The following SLC12A8 variants were observed in gnomAD, a reference collection of about 807,000 sequenced individuals.
SLC12A8 encodes the protein cation-chloride cotransporter 9.
In SLC12A8, 69 loss-of-function variants were observed where a neutral mutation model predicts 75.6. The ratio of observed to expected loss-of-function variants is 0.91; its 90% confidence interval spans 0.75 to 1.11. The LOEUF (loss-of-function observed/expected upper bound fraction) is 1.11, where lower values mean the gene tolerates loss of function less well. Among genes scored for constraint, SLC12A8 ranks in the 50% most tolerant of loss-of-function variants. The pLI is 0.00. For synonymous variants in SLC12A8, 365 were observed against 372.8 expected, an observed-to-expected ratio of 0.98 and a Z score of 0.24; for missense variants, 877 against 896.7, an observed-to-expected ratio of 0.98 and a Z score of 0.28.
intron 2 of SLC12A8, among the ~76,000 whole-genome samples, chr3:125,191,392 T>G (rs992567690): frequency 6.6e-6 from 1 of 152,076 alleles, no homozygotes; most frequent in South Asian, 2.1e-4. Flanking sequence ...GTGAATGCTC[T>G]TATGTAGGTT....
intron 10 of SLC12A8, among the ~76,000 whole-genome samples, chr3:125,099,915 C>T (rs936240637): frequency 2.6e-5 from 4 of 151,594 alleles, no homozygotes; most frequent in Non-Finnish European, 5.9e-5. Flanking sequence ...GCAACAAGAG[C>T]GAAACTCTGT....
At chr3:125,210,036 A>G (rs1047994923) in intron 2 of SLC12A8, among the ~76,000 whole-genome samples, 2 of 152,194 alleles carry the variant, frequency 1.3e-5, no homozygotes, top group Admixed American at 6.5e-5. Flanking sequence ...GCCATGTCCA[A>G]TCCTTCGATG....
At chr3:125,126,250 C>T (rs1019588343) in intron 6 of SLC12A8, among the ~76,000 whole-genome samples, 3 of 152,192 alleles carry the variant, frequency 2.0e-5, no homozygotes, top group Non-Finnish European at 2.9e-5. Context: ...GTTTATGAGG[C>T]TACACCTCGA....
intron 5 of SLC12A8, among the ~76,000 whole-genome samples, chr3:125,166,909 G>A (rs374483380): frequency 1.3e-5 from 2 of 152,246 alleles, no homozygotes; most frequent in Admixed American, 6.5e-5. Flanking sequence ...GCTACATATG[G>A]TAGAAAAATA....
chr3:125,186,500 T>A (rs1206828071), intron 4 of SLC12A8, among the ~76,000 whole-genome samples: 1 of 152,244 alleles, frequency 6.6e-6, no homozygotes, highest in Admixed American at 6.5e-5. Flanking sequence ...CTCTTTAAAC[T>A]GTTTTTTCAA....
At chr3:125,170,054 CATT>C (rs1206908653) in intron 5 of SLC12A8, among the ~76,000 whole-genome samples, 1 of 152,126 alleles carries the variant, frequency 6.6e-6, no homozygotes, top group Admixed American at 6.6e-5. Context: ...AAAAAATCCT[CATT>C]AATGATTCAA....
At chr3:125,110,492 A>C in intron 8 of SLC12A8, 157 bp from the exon 9 acceptor site, 2 of 606,492 alleles carry the variant, frequency 3.3e-6, no homozygotes, top group Non-Finnish European at 2.8e-6. Context: ...CCTCGCCCCC[A>C]TTCATTCCAT....
chr3:125,090,156 GC>G (rs1343832039), intron 12 of SLC12A8, among the ~76,000 whole-genome samples: 1 of 152,052 alleles, frequency 6.6e-6, no homozygotes, highest in East Asian at 1.9e-4. Flanking sequence ...CAATTCTCCT[GC>G]CTTAGCCCTC....
intron 5 of SLC12A8, among the ~76,000 whole-genome samples, chr3:125,142,358 A>T (rs1021438169): frequency 1.5e-4 from 23 of 152,246 alleles, no homozygotes; most frequent in African/African-American, 5.5e-4. Context: ...TGGGCTGGGG[A>T]TGGGGTTTTT....
intron 5 of SLC12A8, among the ~76,000 whole-genome samples, chr3:125,144,986 C>A (rs370571924): frequency 1.6e-4 from 25 of 152,328 alleles, no homozygotes; most frequent in African/African-American, 5.1e-4. Flanking sequence ...AGCTCTCCCC[C>A]ACCCCAAGTC....
At chr3:125,110,362 A>G (rs777612095) in intron 8 of SLC12A8, 27 bp from the exon 9 acceptor site, 2 of 1,605,790 alleles carry the variant, frequency 1.2e-6, no homozygotes, top group Admixed American at 3.3e-5. Context: ...TTCATTCGCC[A>G]GTGCCAGAAC....
chr3:125,176,427 T>C (rs1398903395), intron 5 of SLC12A8, among the ~76,000 whole-genome samples: 1 of 152,156 alleles, frequency 6.6e-6, no homozygotes, highest in Non-Finnish European at 1.5e-5. Flanking sequence ...AAGGACTTCA[T>C]GTCTAAAACA....
At chr3:125,100,284 C>T (rs1938835044) in intron 10 of SLC12A8, among the ~76,000 whole-genome samples, 1 of 152,106 alleles carries the variant, frequency 6.6e-6, no homozygotes, top group African/African-American at 2.4e-5. Flanking sequence ...CTTTAATCAA[C>T]AGGAAAGAAA....
intron 10 of SLC12A8, among the ~76,000 whole-genome samples, chr3:125,094,286 C>T (rs186886214): frequency 1.3e-5 from 2 of 152,306 alleles, no homozygotes; most frequent in Admixed American, 6.5e-5. Context: ...ACCTACCTCC[C>T]GCTTTCCCTA....
intron 3 of SLC12A8, among the ~76,000 whole-genome samples, chr3:125,187,995 A>C (rs1185945727): frequency 6.6e-6 from 1 of 152,092 alleles, no homozygotes; most frequent in Non-Finnish European, 1.5e-5. Flanking sequence ...TGTGAGCTCC[A>C]GGGGAGGATG....
At chr3:125,100,212 G>C (rs1938833996) in intron 10 of SLC12A8, among the ~76,000 whole-genome samples, 1 of 152,018 alleles carries the variant, frequency 6.6e-6, no homozygotes, top group Non-Finnish European at 1.5e-5. Flanking sequence ...AGGAGAAAAA[G>C]AAAGGGCAGA....
chr3:125,092,387 AAAGAG>A (rs1251895848), intron 10 of SLC12A8, among the ~76,000 whole-genome samples, 189 bp from the exon 11 acceptor site: 2 of 152,168 alleles, frequency 1.3e-5, no homozygotes, highest in East Asian at 1.9e-4. Context: ...TCTGAGAAAG[AAAGAG>A]AAGAGAGAGA....
At chr3:125,178,346 C>T (rs1934583623) in intron 4 of SLC12A8, among the ~76,000 whole-genome samples, 1 of 152,054 alleles carries the variant, frequency 6.6e-6, no homozygotes, top group Admixed American at 6.5e-5. Context: ...ACAGGGGGTC[C>T]CATCTACAGA....
chr3:125,211,575 G>C (rs937183851), intron 1 of SLC12A8, among the ~76,000 whole-genome samples, 181 bp from the exon 2 acceptor site: 1 of 152,180 alleles, frequency 6.6e-6, no homozygotes, highest in African/African-American at 2.4e-5. Flanking sequence ...GGTAGATCCC[G>C]CTGGTCCTTC....
Sources: gnomAD v4.1 joint callset for allele counts (sites outside exome capture counted in the v4.1 genomes callset) on GRCh38, gnomAD v4.1.1 for gene constraint, MANE v1.5 for transcripts, NCBI Gene and HGNC (gene_info 2026-07-23, HGNC 2026-07-21) for gene names.